FMN1: variants seen among roughly 807,000 people sequenced by gnomAD.
The protein encoded by FMN1 is formin 1.
In FMN1, 110 loss-of-function variants were observed where a neutral mutation model predicts 132.4. The ratio of observed to expected loss-of-function variants is 0.83; its 90% CI spans 0.71 to 0.97. The LOEUF (loss-of-function observed/expected upper bound fraction) is 0.97, where lower values mean the gene tolerates loss of function less well. Among genes scored for constraint, FMN1 ranks in the 50% least tolerant of loss-of-function variants. The pLI is 0.00. For synonymous variants in FMN1, 722 were observed against 651.7 expected, an observed-to-expected ratio of 1.11 and a Z score of -1.64; for missense variants, 1,792 against 1,705.3, an observed-to-expected ratio of 1.05 and a Z score of -0.90.
At chr15:32,972,553 C>A (rs79804251) in intron 7 of FMN1, among the ~76,000 whole-genome samples, 1 of 152,148 alleles carries the variant, frequency 6.6e-6, no homozygotes. Context: ...GACTGTTGCA[C>A]AAGCATTGAA....
chr15:32,942,704 C>T (rs537979123), intron 9 of FMN1, among the ~76,000 whole-genome samples: 33 of 152,208 alleles, frequency 2.2e-4, no homozygotes, highest in Non-Finnish European at 4.1e-4. Context: ...TTAAGTTTCA[C>T]ATTTGAACAT....
At chr15:33,023,059 C>CCAAA (rs1555383587) in intron 6 of FMN1, among the ~76,000 whole-genome samples, 2 of 53,214 alleles carry the variant, frequency 3.8e-5, no homozygotes, top group African/African-American at 1.5e-4. Context: ...CTCCCCCACC[C>CCAAA]AAAAAAAAAA....
intron 9 of FMN1, among the ~76,000 whole-genome samples, chr15:32,945,173 A>G (rs1422389995): frequency 6.6e-6 from 1 of 152,146 alleles, no homozygotes; most frequent in Non-Finnish European, 1.5e-5. Context: ...GTGACTCTAA[A>G]TAAATGTATT....
intron 9 of FMN1, among the ~76,000 whole-genome samples, chr15:32,962,105 T>TTTTTTATTATTATTA (rs1555505534): frequency 2.7e-5 from 4 of 150,760 alleles, no homozygotes; most frequent in African/African-American, 9.8e-5. Flanking sequence ...AGGGCAAGGA[T>TTTTTTATTATTATTA]TTATTATTAT....
chr15:33,182,973 G>A (rs1348894047), intron 2 of FMN1, among the ~76,000 whole-genome samples: 1 of 152,108 alleles, frequency 6.6e-6, no homozygotes, highest in Non-Finnish European at 1.5e-5. Flanking sequence ...GCAGCGAAGG[G>A]GCTTGCTCAG....
chr15:33,126,251 G>A (rs1212149519), intron 4 of FMN1, among the ~76,000 whole-genome samples: 1 of 152,180 alleles, frequency 6.6e-6, no homozygotes, highest in Non-Finnish European at 1.5e-5. Context: ...GAAGGAAGAT[G>A]GGTGGAAAGA....
At chr15:33,067,778 T>C in intron 5 of FMN1, 1 of 1,613,980 alleles carries the variant, frequency 6.2e-7, no homozygotes, top group Non-Finnish European at 8.5e-7. Context: ...AAATAGGGAT[T>C]TCATAGAGAA....
At chr15:32,799,186 T>C (rs1008416543) in intron 18 of FMN1, among the ~76,000 whole-genome samples, 4 of 152,314 alleles carry the variant, frequency 2.6e-5, no homozygotes, top group East Asian at 1.9e-4. Context: ...ATCTTATCTG[T>C]ATAAAATCAG....
At chr15:32,899,350 C>T (rs1264564404) in intron 14 of FMN1, among the ~76,000 whole-genome samples, 3 of 152,198 alleles carry the variant, frequency 2.0e-5, no homozygotes, top group African/African-American at 7.2e-5. Flanking sequence ...CCCGGGAGGC[C>T]AGTGGGGAGC....
At chr15:33,172,654 C>T (rs374399649) in intron 3 of FMN1, among the ~76,000 whole-genome samples, 57 of 152,264 alleles carry the variant, frequency 3.7e-4, no homozygotes, top group Middle Eastern at 6.8e-3. Flanking sequence ...AAGGTTGTTA[C>T]CTTCACTTTA....
chr15:33,112,933 A>C (rs946958114), intron 4 of FMN1, among the ~76,000 whole-genome samples: 4 of 152,192 alleles, frequency 2.6e-5, no homozygotes, highest in Non-Finnish European at 5.9e-5. Context: ...GTCCTGGTGT[A>C]CTGGGACAAA....
At chr15:32,929,981 A>ATTTTTTT (rs377263342) in intron 9 of FMN1, among the ~76,000 whole-genome samples, 2 of 91,970 alleles carry the variant, frequency 2.2e-5, no homozygotes, top group African/African-American at 4.8e-5. Context: ...CTATTTTTAA[A>ATTTTTTT]TTTTTTTTTT....
At chr15:32,895,818 G>A (rs1166869907) in intron 15 of FMN1, among the ~76,000 whole-genome samples, 1 of 151,826 alleles carries the variant, frequency 6.6e-6, no homozygotes, top group Non-Finnish European at 1.5e-5. Flanking sequence ...TTTGAATTTA[G>A]TTTTAAGTCA....
chr15:32,886,909 G>T (rs1222770427), intron 16 of FMN1, among the ~76,000 whole-genome samples: 1 of 151,998 alleles, frequency 6.6e-6, no homozygotes, highest in Non-Finnish European at 1.5e-5. Context: ...AATTCTTCAG[G>T]AGACAGAAAA....
At chr15:32,883,827 CTTTT>C (rs1451667046) in intron 16 of FMN1, among the ~76,000 whole-genome samples, 1 of 152,034 alleles carries the variant, frequency 6.6e-6, no homozygotes, top group Non-Finnish European at 1.5e-5. Context: ...CAGCATTAAA[CTTTT>C]TTTTAACTAC....
intron 4 of FMN1, among the ~76,000 whole-genome samples, chr15:33,093,459 T>C (rs2038972940): frequency 6.6e-6 from 1 of 152,200 alleles, no homozygotes; most frequent in Non-Finnish European, 1.5e-5. Flanking sequence ...GCTGTGTGTG[T>C]AATCACTCAT....
chr15:32,956,443 T>C (rs2061770901), intron 9 of FMN1, among the ~76,000 whole-genome samples: 1 of 151,552 alleles, frequency 6.6e-6, no homozygotes, highest in Non-Finnish European at 1.5e-5. Flanking sequence ...ATTTACAAGG[T>C]GGAATTTTTG....
chr15:32,794,469 G>A (rs752305434), intron 19 of FMN1, among the ~76,000 whole-genome samples: 13 of 152,054 alleles, frequency 8.5e-5, no homozygotes, highest in Non-Finnish European at 1.6e-4. Context: ...GCAGTGCTTC[G>A]TGTGCATGCG....
intron 6 of FMN1, among the ~76,000 whole-genome samples, chr15:33,021,600 T>A (rs1265216188): frequency 6.6e-6 from 1 of 152,138 alleles, no homozygotes; most frequent in Non-Finnish European, 1.5e-5. Context: ...GTACAAAAAG[T>A]CAGGAAATTC....
Sources: gnomAD v4.1 joint callset for allele counts (sites outside exome capture counted in the v4.1 genomes callset) on GRCh38, gnomAD v4.1.1 for gene constraint, MANE v1.5 for transcripts, NCBI Gene and HGNC (gene_info 2026-07-23, HGNC 2026-07-21) for gene names.